Variants in NUFIP2 observed in about 807,000 individuals in gnomAD.
NUFIP2 encodes FMR1-interacting protein NUFIP2.
In NUFIP2, 6 loss-of-function variants were observed where a neutral mutation model predicts 56.9. The ratio of observed to expected loss-of-function variants is 0.11; its 90% confidence interval spans 0.06 to 0.21. The LOEUF (loss-of-function observed/expected upper bound fraction) is 0.21, where lower values mean the gene tolerates loss of function less well. Among genes scored for constraint, NUFIP2 ranks in the 10% least tolerant of loss-of-function variants. The pLI is 1.00. For synonymous variants in NUFIP2, 321 were observed against 298.2 expected, an observed-to-expected ratio of 1.08 and a Z score of -0.79; for missense variants, 828 against 826.8, an observed-to-expected ratio of 1.00 and a Z score of -0.02.
rs1158834270 is a variant in NUFIP2 at position 29,258,629 on chromosome 17, T to A, written c.*5910A>T. ...AGAAGACATTTAAGGCCAAAAAGTG[T>A]ACTATTAACAGAATTCTTATATTCC... On this transcript the variant is annotated 3_prime_UTR_variant, in exon 4 of 4. Transcript: ENST00000225388. 5 of 152,210 alleles carry A rather than the reference T, an allele frequency of 3.3e-5. No homozygotes were observed. The allele number at this position is 152,210 out of a possible 1,614,324, so 9.4% of individuals were successfully genotyped here. A position where few individuals can be genotyped will look rare whatever the true frequency, so the allele number is the denominator to read the frequency against.
In NUFIP2 at chr17:29,286,106, G is replaced by A; in HGVS notation, c.1888C>T (p.Pro630Ser). 1 of 1,614,098 alleles carries A rather than the reference G, an allele frequency of 6.2e-7. No homozygotes were observed. The highest frequency in any genetic ancestry group is 8.5e-7 in the Non-Finnish European group (1 of 1,179,980). ...EIESQNPLAS[P>S]TNTLLGSAKE... ...GCAGAGCCTAACAAAGTGTTCGTAG[G>A]AGAGGCCAGAGGATTTTGACTTTCT... Residue 630 changes from proline to serine, a missense_variant, in exon 2 of 4, where the codon CCT (proline) becomes TCT (serine). This residue lies in a region of NUFIP2 where 404 missense variants were observed against 380.3 expected (regional missense o/e 1.06). Transcript: ENST00000225388.
chr17:29,263,321 CATT>C lies in NUFIP2; in HGVS notation c.*1215_*1217del, dbSNP rs947201549. Reference sequence around the variant, plus strand: ...CCCAAAGAAAATTTCCAGAATTTCACATTATTTTCCTTAAAAACCCATCTTGCT... The same window carrying C: ...CCCAAAGAAAATTTCCAGAATTTCACATTTTCCTTAAAAACCCATCTTGCT... On this transcript the variant is annotated 3_prime_UTR_variant, in exon 4 of 4. Coordinates refer to ENST00000225388, the MANE Select transcript of NUFIP2 (RefSeq NM_020772.3). 7 of 152,526 alleles carry C rather than the reference CATT, an allele frequency of 4.6e-5. No homozygotes were observed. Among genetic ancestry groups the C allele is most frequent in the African/African-American group, 1.7e-4 (7 of 41,424 alleles). The allele number at this position is 152,526 out of a possible 1,614,324, so 9.4% of individuals were successfully genotyped here.
chr17:29,277,906 A>T (rs1214798144), intron 2 of NUFIP2, among the ~76,000 whole-genome samples: 1 of 152,066 alleles, frequency 6.6e-6, no homozygotes, highest in Non-Finnish European at 1.5e-5. Flanking sequence ...CCAGCTACTC[A>T]GGAGGCTGAG....
At chr17:29,273,780 C>A (rs1285983070) in intron 2 of NUFIP2, among the ~76,000 whole-genome samples, 1 of 152,146 alleles carries the variant, frequency 6.6e-6, no homozygotes. Flanking sequence ...ACCACCCAAT[C>A]TGAAATTTCT....
intron 2 of NUFIP2, among the ~76,000 whole-genome samples, chr17:29,275,158 T>C (rs533838523): frequency 2.1e-4 from 32 of 152,110 alleles, no homozygotes; most frequent in Middle Eastern, 3.4e-3. Flanking sequence ...GCAGCTGGGA[T>C]TATAGGCATA....
intron 2 of NUFIP2, among the ~76,000 whole-genome samples, chr17:29,283,134 A>T (rs901831041): frequency 6.6e-6 from 1 of 152,178 alleles, no homozygotes; most frequent in Non-Finnish European, 1.5e-5. Flanking sequence ...ATACCAGCAA[A>T]ACTAAATATA....
rs191385331 is a variant in NUFIP2 at position 29,289,382 on chromosome 17, C to A, written c.278-1666G>T. Among the ~76,000 whole-genome samples the A allele has an allele frequency of 1.7e-4, 26 of 152,264 alleles. No individual in the cohort carries two copies. The East Asian group carries it at 4.8e-3, about 28-fold the overall frequency. ...CCAAGGTGGGTGGATCATTTGAGGT[C>A]AGGAGTTCAGGACCAGCCTGACCAA... On this transcript the variant is annotated intron_variant, in intron 1 of 3. Transcript: ENST00000225388.
intron 1 of NUFIP2, among the ~76,000 whole-genome samples, chr17:29,288,672 G>C (rs1424480767): frequency 1.3e-5 from 2 of 151,960 alleles, no homozygotes; most frequent in African/African-American, 4.8e-5. Flanking sequence ...GACTTTAAGA[G>C]AGATGAAGTA....
chr17:29,277,331 CT>C (rs949771018), intron 2 of NUFIP2, among the ~76,000 whole-genome samples: 10 of 152,142 alleles, frequency 6.6e-5, no homozygotes, highest in African/African-American at 2.4e-4. Flanking sequence ...CCTAGAACAT[CT>C]TTTAAAAATT....
Position 29,294,132 on chromosome 17 carries a change from GCTCA to G in NUFIP2, c.-77_-74del. 6.6e-7 allele frequency: 1 copy of G among 1,521,452 alleles called. No homozygotes were observed. Among genetic ancestry groups the G allele is most frequent in the Non-Finnish European group, 8.8e-7 (1 of 1,134,954 alleles). 94.2% of individuals were successfully genotyped at this position (1,521,452 alleles called of 1,614,324 possible). On this transcript the variant is annotated 5_prime_UTR_variant, in exon 1 of 4. Coordinates refer to ENST00000225388, the MANE Select transcript of NUFIP2 (RefSeq NM_020772.3). ...TCAGGATCTGAGACTGCTTCTCAGG[GCTCA>G]CTCAGTATATCTGAGCGCGTCTCGC... is the stretch of plus-strand genomic sequence containing the variant.
intron 2 of NUFIP2, among the ~76,000 whole-genome samples, chr17:29,273,244 G>C (rs1324241309): frequency 6.6e-6 from 1 of 152,112 alleles, no homozygotes; most frequent in Non-Finnish European, 1.5e-5. Flanking sequence ...TCACCATACT[G>C]GCCAGGCTGG....
intron 1 of NUFIP2, 107 bp downstream of exon 1, chr17:29,293,670 GACACAC>G: frequency 1.9e-6 from 2 of 1,063,038 alleles, no homozygotes; most frequent in Non-Finnish European, 2.6e-6. Flanking sequence ...AGCCGGAGGG[GACACAC>G]ACACACACAC....
intron 1 of NUFIP2, among the ~76,000 whole-genome samples, chr17:29,288,188 C>T (rs1173789544): frequency 2.0e-5 from 3 of 152,330 alleles, no homozygotes; most frequent in East Asian, 1.9e-4. Context: ...GGACTACAGG[C>T]GCCCACCACC....
rs2153010561 is a variant in NUFIP2 at position 29,263,824 on chromosome 17, C to T, written c.*715G>A. 6.5e-6 allele frequency: 1 copy of T among 152,686 alleles called. No individual in the cohort carries two copies. Among genetic ancestry groups the T allele is most frequent in the East Asian group, 1.9e-4 (1 of 5,188 alleles). 9.5% of individuals were successfully genotyped at this position (152,686 alleles called of 1,614,324 possible). On this transcript the variant is annotated 3_prime_UTR_variant, in exon 4 of 4. Coordinates refer to ENST00000225388, the MANE Select transcript of NUFIP2 (RefSeq NM_020772.3). ...CGAAGCCAAGTTAACTATGTACCAT[C>T]AACTAACTATTCCAGAATTGTAGAA...
chr17:29,258,089 G>C lies in NUFIP2; in HGVS notation c.*6450C>G, dbSNP rs944370117. The C allele has an allele frequency of 4.6e-5, 7 of 151,488 alleles. No homozygotes were observed. Among genetic ancestry groups the C allele is most frequent in the Admixed American group, 1.3e-4 (2 of 15,212 alleles). 9.4% of individuals were successfully genotyped at this position (151,488 alleles called of 1,614,324 possible). A position where few individuals can be genotyped will look rare whatever the true frequency, so the allele number is the denominator to read the frequency against. ...CCAATTTTTTTTTTTTAATATACATGCAAGGCACATTGATATAAAAATAGA... is the reference window on the plus strand; with the variant it reads ...CCAATTTTTTTTTTTTAATATACATCCAAGGCACATTGATATAAAAATAGA... On this transcript the variant is annotated 3_prime_UTR_variant, in exon 4 of 4. Coordinates refer to ENST00000225388, the MANE Select transcript of NUFIP2 (RefSeq NM_020772.3).
chr17:29,275,059 T>C (rs1035321078), intron 2 of NUFIP2, among the ~76,000 whole-genome samples: 2 of 152,002 alleles, frequency 1.3e-5, no homozygotes, highest in African/African-American at 4.8e-5. Flanking sequence ...AGTTTCACTC[T>C]CATTACCCAG....
chr17:29,271,485 C>T (rs1452444284), intron 2 of NUFIP2, among the ~76,000 whole-genome samples: 1 of 150,926 alleles, frequency 6.6e-6, no homozygotes, highest in African/African-American at 2.4e-5. Context: ...TGCAGTGAGC[C>T]GAGATCGTGC....
In NUFIP2 at chr17:29,264,477, G is replaced by T; in HGVS notation, c.*62C>A. 1.8e-6 allele frequency: 2 copies of T among 1,111,258 alleles called. No individual in the cohort carries two copies. The highest frequency in any genetic ancestry group is 2.7e-6 in the Non-Finnish European group (2 of 734,954). The allele number at this position is 1,111,258 out of a possible 1,614,324, so 68.8% of individuals were successfully genotyped here. ...GAAGATCTAGGAGCATAAAAGCCTTGTGTCCCCCATGAACGATGGCTCTAA... is the reference window on the plus strand; with the variant it reads ...GAAGATCTAGGAGCATAAAAGCCTTTTGTCCCCCATGAACGATGGCTCTAA... On this transcript the variant is annotated 3_prime_UTR_variant, in exon 4 of 4. Coordinates refer to ENST00000225388, the MANE Select transcript of NUFIP2 (RefSeq NM_020772.3).
chr17:29,270,486 A>T (rs971707097), intron 2 of NUFIP2, among the ~76,000 whole-genome samples: 2 of 152,154 alleles, frequency 1.3e-5, no homozygotes, highest in Non-Finnish European at 2.9e-5. Context: ...CCTATTTTTT[A>T]AAAGTCCAAA....
Sources: gnomAD v4.1 joint callset for allele counts (sites outside exome capture counted in the v4.1 genomes callset) on GRCh38, gnomAD v4.1.1 for gene constraint, gnomAD v4.1.1 regional missense constraint, MANE v1.5 for transcripts, NCBI Gene and HGNC (gene_info 2026-07-23, HGNC 2026-07-21) for gene names.